The following LARS2 variants were observed in gnomAD, a reference collection of about 807,000 sequenced individuals.
The protein encoded by LARS2 is leucyl-tRNA synthetase 2, mitochondrial, also known as leucine--tRNA ligase, mitochondrial.
A neutral mutation model predicts 116.6 loss-of-function variants in LARS2; 81 were observed. The ratio of observed to expected loss-of-function variants is 0.69; its 90% CI spans 0.58 to 0.84. The LOEUF (loss-of-function observed/expected upper bound fraction) is 0.84, where lower values mean the gene tolerates loss of function less well. LARS2 is among the 40% of genes least tolerant of loss of function. The pLI is 0.00. For synonymous variants in LARS2, 396 were observed against 407.2 expected (o/e 0.97, Z 0.33); for missense variants, 968 against 1,114.5 (o/e 0.87, Z 1.87).
In LARS2 at chr3:45,520,304, G is replaced by A. The variant is rs876657488; in HGVS notation, c.2292+8G>A. ...CTCAGCAATGCCCTCTCGGTAAGTG[G>A]CCTGTCCTCATTTGCTGGTAGCAGA... On this transcript the variant is annotated splice_region_variant and intron_variant, in intron 19 of 21. Transcript: ENST00000645846. 6.2e-7 allele frequency: 1 copy of A among 1,609,600 alleles called. No homozygotes were observed. Among genetic ancestry groups the A allele is most frequent in the Non-Finnish European group, 8.5e-7 (1 of 1,176,042 alleles).
chr3:45,532,708 C>G lies in LARS2; in HGVS notation c.2404+8600C>G, dbSNP rs372900738. ...CCAGGCTGGAGTGCGGTGGTGCCAC[C>G]TCAGCTCACTGCAACTTCCGCCTCC... is the stretch of plus-strand genomic sequence containing the variant. On this transcript the variant is annotated intron_variant, in intron 20 of 21. Transcript: ENST00000645846. Among the ~76,000 whole-genome samples, 25 of 152,246 alleles carry G rather than the reference C, an allele frequency of 1.6e-4. No homozygotes were observed. The South Asian group carries it at 4.8e-3, about 29-fold the overall frequency.
intron 11 of LARS2, among the ~76,000 whole-genome samples, chr3:45,486,624 G>A (rs1323328886): frequency 6.6e-6 from 1 of 152,024 alleles, no homozygotes; most frequent in Non-Finnish European, 1.5e-5. Flanking sequence ...CCCTCATAAC[G>A]CTCAGATCAG....
At chr3:45,523,387 G>T (rs7626059) in intron 19 of LARS2, among the ~76,000 whole-genome samples, 78,229 of 152,064 alleles carry the variant, frequency 0.51, 24,030 homozygotes, top group East Asian at 0.78. Flanking sequence ...TAAGAGTTTG[G>T]CTACAGTGTG....
chr3:45,475,252 A>T (rs971882098), intron 9 of LARS2, among the ~76,000 whole-genome samples: 1 of 152,148 alleles, frequency 6.6e-6, no homozygotes, highest in Admixed American at 6.5e-5. Context: ...GGTGTCTGCA[A>T]GCACCTGCCG....
chr3:45,456,851 G>A (rs112114215), intron 7 of LARS2, among the ~76,000 whole-genome samples: 19 of 152,200 alleles, frequency 1.2e-4, no homozygotes, highest in African/African-American at 2.9e-4. Flanking sequence ...ATGTAAAATC[G>A]CAGCCCACAA....
At chr3:45,427,779 C>G (rs984359849) in intron 6 of LARS2, among the ~76,000 whole-genome samples, 2 of 152,062 alleles carry the variant, frequency 1.3e-5, no homozygotes, top group African/African-American at 4.8e-5. Flanking sequence ...TAGGTAACCA[C>G]TGTTCTGACA....
chr3:45,474,973 A>G (rs997100032), intron 9 of LARS2, among the ~76,000 whole-genome samples: 1 of 152,236 alleles, frequency 6.6e-6, no homozygotes, highest in East Asian at 1.9e-4. Flanking sequence ...AAAGGTCACA[A>G]CATAAGGCCC....
At chr3:45,397,256 C>G (rs1222397125) in intron 3 of LARS2, among the ~76,000 whole-genome samples, 3 of 152,186 alleles carry the variant, frequency 2.0e-5, no homozygotes, top group Admixed American at 2.0e-4. Flanking sequence ...CATTCCTTCT[C>G]TCTTTTCCAC....
intron 6 of LARS2, among the ~76,000 whole-genome samples, chr3:45,446,054 AC>A (rs1699012710): frequency 6.6e-6 from 1 of 152,232 alleles, no homozygotes; most frequent in African/African-American, 2.4e-5. Flanking sequence ...AACCTTGGTG[AC>A]AGAACAAGAC....
At chr3:45,457,614 G>C (rs894136131) in intron 7 of LARS2, among the ~76,000 whole-genome samples, 1 of 152,134 alleles carries the variant, frequency 6.6e-6, no homozygotes, top group African/African-American at 2.4e-5. Context: ...GGAGGCAGAG[G>C]TTGCAGTGAG....
chr3:45,464,258 G>A (rs1699386081), intron 8 of LARS2, among the ~76,000 whole-genome samples: 1 of 152,174 alleles, frequency 6.6e-6, no homozygotes, highest in African/African-American at 2.4e-5. Context: ...GAGTTCTTTG[G>A]AGGAGGTGGC....
At chr3:45,430,185 G>C (rs1698672801) in intron 6 of LARS2, among the ~76,000 whole-genome samples, 1 of 150,974 alleles carries the variant, frequency 6.6e-6, no homozygotes, top group Admixed American at 6.6e-5. Flanking sequence ...GTGTTAGCCA[G>C]GATGGTTTCA....
Position 45,491,696 on chromosome 3 carries a change from C to T in LARS2, c.1419C>T (p.Pro473=). The T allele has an allele frequency of 6.2e-7, 1 of 1,614,070 alleles. No homozygotes were observed. The highest frequency in any genetic ancestry group is 1.1e-5 in the South Asian group (1 of 91,074). Residue 473 remains proline, a synonymous_variant, in exon 13 of 22, where the codon CCC becomes CCT. Transcript: ENST00000645846. ...HCPVCGPTPV[P]LEDLPVTLPN... is the part of the protein sequence containing the mutation. ...CAGTCTGTGGCCCCACACCTGTGCC[C>T]CTGGAGGACTTGCCTGTGACCCTGC...
At chr3:45,422,407 A>T (rs1163844296) in intron 6 of LARS2, 1 of 152,200 alleles carries the variant, frequency 6.6e-6, no homozygotes, top group Non-Finnish European at 1.5e-5. Context: ...GCATACAGAT[A>T]TGTACTTAGA....
At chr3:45,490,708 A>G (rs1368498992) in intron 12 of LARS2, among the ~76,000 whole-genome samples, 6 of 152,202 alleles carry the variant, frequency 3.9e-5, no homozygotes, top group Non-Finnish European at 7.3e-5. Context: ...TGTGGCCCCA[A>G]TGGCTAGCAC....
intron 20 of LARS2, among the ~76,000 whole-genome samples, chr3:45,537,887 A>G (rs2125769063): frequency 6.6e-6 from 1 of 152,290 alleles, no homozygotes; most frequent in South Asian, 2.1e-4. Context: ...AAAGTCTGCA[A>G]TAGTAGCTCT....
At chr3:45,464,032 A>G (rs1699380492) in intron 8 of LARS2, among the ~76,000 whole-genome samples, 1 of 152,236 alleles carries the variant, frequency 6.6e-6, no homozygotes, top group Non-Finnish European at 1.5e-5. Context: ...CAGATGGGCA[A>G]CAGTGAGCCA....
Position 45,446,987 on chromosome 3 carries a change from T to A in LARS2, c.606+7T>A. 6.6e-7 allele frequency: 1 copy of A among 1,504,878 alleles called. No individual in the cohort carries two copies. Among genetic ancestry groups the A allele is most frequent in the Non-Finnish European group, 9.2e-7 (1 of 1,087,300 alleles). 93.2% of individuals were successfully genotyped at this position (1,504,878 alleles called of 1,614,324 possible). A position where few individuals can be genotyped will look rare whatever the true frequency, so the allele number is the denominator to read the frequency against. The stretch of plus-strand genomic sequence containing the variant: ...GCTGGCCTATCAAAAGGAGGTAAGT[T>A]AAAATTAGCTGGACTTTTAAAATTC... On this transcript the variant is annotated splice_region_variant and intron_variant, in intron 7 of 21. Transcript: ENST00000645846.
chr3:45,478,947 A>T (rs192204112), intron 10 of LARS2, among the ~76,000 whole-genome samples: 2 of 152,230 alleles, frequency 1.3e-5, no homozygotes, highest in Admixed American at 6.5e-5. Context: ...TTAAACCAGG[A>T]TGTTGTATCA....
Sources: allele counts gnomAD v4.1 joint callset (sites outside exome capture counted in the v4.1 genomes callset), GRCh38; gene constraint gnomAD v4.1.1; transcripts MANE v1.5; gene names NCBI Gene and HGNC (gene_info 2026-07-23, HGNC 2026-07-21).